The following ATP2B2 variants were observed in gnomAD, a reference collection of about 807,000 sequenced individuals.
ATP2B2 encodes the protein ATPase plasma membrane Ca2+ transporting 2.
Under a neutral mutation model 120.0 loss-of-function variants are expected in ATP2B2, and 15 were observed. The ratio of observed to expected loss-of-function variants is 0.12; its 90% CI spans 0.08 to 0.19. The LOEUF is 0.19. Ranked by LOEUF, ATP2B2 falls within the 10% of genes least tolerant of loss-of-function variation. The probability of loss-of-function intolerance (pLI) is 1.00; values close to 1 mark genes in which losing one functional copy is unlikely to be tolerated. For missense variants in ATP2B2, 1,045 were observed against 1,719.8 expected, an observed-to-expected ratio of 0.61 and a Z score of 6.94; for synonymous variants, 694 against 700.3, an observed-to-expected ratio of 0.99 and a Z score of 0.14.
rs185328974 is a variant in ATP2B2 at position 10,540,718 on chromosome 3, G to A, written c.-414-6585C>T. On this transcript the variant is annotated intron_variant, in intron 2 of 21. Transcript: ENST00000646379. ...AGAACATCACACACTGGGGCCTGTC[G>A]TGGGGTGGGGGGAGGGGGGAGGGAT... 3.5e-3 allele frequency among the ~76,000 whole-genome samples: 377 copies of A among 107,038 alleles called. 1 individual carries two copies. Among genetic ancestry groups the A allele is most frequent in the African/African-American group, 0.013 (354 of 27,634 alleles). 70.2% of individuals were successfully genotyped at this position (107,038 alleles called of 152,430 possible).
chr3:10,426,103 C>T (rs533534455), intron 2 of ATP2B2, among the ~76,000 whole-genome samples: 1 of 152,204 alleles, frequency 6.6e-6, no homozygotes, highest in Non-Finnish European at 1.5e-5. Flanking sequence ...CTTTGCTGTG[C>T]TGTTCCCTCT....
intron 3 of ATP2B2, among the ~76,000 whole-genome samples, chr3:10,410,325 T>G (rs970674994): frequency 6.6e-6 from 1 of 152,168 alleles, no homozygotes. Context: ...CTCAGGGGGT[T>G]GTCAGGGCGA....
chr3:10,473,262 G>C (rs2065080511), intron 1 of ATP2B2, among the ~76,000 whole-genome samples: 1 of 152,158 alleles, frequency 6.6e-6, no homozygotes, highest in Non-Finnish European at 1.5e-5. Context: ...GTCATTTAAT[G>C]AGCACCTACT....
intron 2 of ATP2B2, among the ~76,000 whole-genome samples, chr3:10,414,315 T>G (rs1427322932): frequency 6.6e-6 from 1 of 152,154 alleles, no homozygotes; most frequent in Non-Finnish European, 1.5e-5. Flanking sequence ...TCAGGCCATA[T>G]CATGCTGGGG....
intron 14 of ATP2B2, 78 bp downstream of exon 14, chr3:10,358,613 G>T: frequency 1.5e-6 from 2 of 1,378,094 alleles, no homozygotes; most frequent in Non-Finnish European, 2.0e-6. Flanking sequence ...GAGGTGAAGT[G>T]ACTTACTCCA....
intron 2 of ATP2B2, among the ~76,000 whole-genome samples, chr3:10,544,273 T>C (rs1395682763): frequency 6.6e-6 from 1 of 152,150 alleles, no homozygotes; most frequent in African/African-American, 2.4e-5. Context: ...CCAGTGCCAC[T>C]CACCACAAAT....
chr3:10,350,465 G>A lies in ATP2B2; in HGVS notation c.2249C>T (p.Pro750Leu). ...CTCGAGGCACAGAAAGTCCTCCCCA[G>A]GATGGATGATGCCACACTTGATGGC... ...AIAIKCGIIH[P>L]GEDFLCLEGK... Residue 750 changes from proline to leucine, a missense_variant, in exon 15 of 23, where the codon CCT becomes CTT. Pro to Leu is a moderately conservative substitution (Grantham distance 98, BLOSUM62 -3). Coordinates refer to ENST00000360273, the MANE Select transcript of ATP2B2 (RefSeq NM_001001331.4). The A allele has an allele frequency of 6.2e-7, 1 of 1,614,234 alleles. No homozygotes were observed. The highest frequency in any genetic ancestry group is 8.5e-7 in the Non-Finnish European group (1 of 1,180,034).
intron 2 of ATP2B2, among the ~76,000 whole-genome samples, chr3:10,587,783 C>T (rs1406064757): frequency 1.3e-5 from 2 of 152,144 alleles, no homozygotes; most frequent in Non-Finnish European, 2.9e-5. Flanking sequence ...TTGTTTCTCA[C>T]TGTCATGCTC....
At chr3:10,646,688 A>G (rs761107101) in intron 1 of ATP2B2, among the ~76,000 whole-genome samples, 1 of 152,178 alleles carries the variant, frequency 6.6e-6, no homozygotes, top group Non-Finnish European at 1.5e-5. Context: ...AGTGCGTTAC[A>G]TAATGGGAAT....
intron 1 of ATP2B2, among the ~76,000 whole-genome samples, chr3:10,466,810 T>A (rs1235087761): frequency 6.6e-6 from 1 of 152,152 alleles, no homozygotes; most frequent in African/African-American, 2.4e-5. Flanking sequence ...ACCATTTCCA[T>A]TTCACAAGTA....
intron 2 of ATP2B2, among the ~76,000 whole-genome samples, chr3:10,422,694 A>G (rs975102330): frequency 2.6e-5 from 4 of 152,230 alleles, no homozygotes; most frequent in African/African-American, 9.6e-5. Flanking sequence ...GTGGATTTGA[A>G]TGTGCATAGT....
intron 1 of ATP2B2, among the ~76,000 whole-genome samples, chr3:10,688,960 C>G (rs547246725): frequency 2.4e-4 from 37 of 152,320 alleles, no homozygotes; most frequent in Admixed American, 6.5e-4. Context: ...AATGTCCACC[C>G]TGTCATTACC....
At chr3:10,594,422 A>G (rs1437646396) in intron 2 of ATP2B2, among the ~76,000 whole-genome samples, 2 of 152,272 alleles carry the variant, frequency 1.3e-5, no homozygotes, top group East Asian at 3.9e-4. Context: ...TTGTAGGGAC[A>G]TGGATGAAGC....
At position 10,408,327 on chromosome 3, in the gene ATP2B2, G is replaced by A. The variant is rs551498809; in HGVS notation, c.397+2291C>T. Among the ~76,000 whole-genome samples the A allele has an allele frequency of 7.2e-5, 11 of 152,240 alleles. No individual in the cohort carries two copies. In the East Asian group the frequency reaches 2.1e-3, roughly 29 times the overall value. Reference sequence around the variant, plus strand: ...CCTGGTGAAACTGATGTCTGTCTCAGGGTTTTTTGTTTGTTTGTTTGTTTG... The same window carrying A: ...CCTGGTGAAACTGATGTCTGTCTCAAGGTTTTTTGTTTGTTTGTTTGTTTG... On this transcript the variant is annotated intron_variant, in intron 3 of 22. Transcript: ENST00000360273.
chr3:10,430,165 A>G (rs2063271978), intron 2 of ATP2B2, among the ~76,000 whole-genome samples: 2 of 152,364 alleles, frequency 1.3e-5, no homozygotes, highest in East Asian at 1.9e-4. Flanking sequence ...GTGCAAGGAG[A>G]TAAGTGCTGT....
chr3:10,340,484 C>T lies in ATP2B2; in HGVS notation c.3129+9G>A, dbSNP rs1348411265. ...ACCCCGGGCCTGGTTAGGGTGGGGG[C>T]CTCACTACCTGGATGGCAAAGGTGC... On this transcript the variant is annotated intron_variant, in intron 20 of 22. Coordinates refer to ENST00000360273, the MANE Select transcript of ATP2B2 (RefSeq NM_001001331.4). This position sits in a 1 kb window ranked among gnomAD's most constrained non-coding sequence, Gnocchi z 5.0. The T allele has an allele frequency of 1.2e-6, 2 of 1,614,192 alleles. No homozygotes were observed. Among genetic ancestry groups the T allele is most frequent in the South Asian group, 2.2e-5 (2 of 91,088 alleles).
intron 3 of ATP2B2, among the ~76,000 whole-genome samples, chr3:10,510,767 C>T (rs1339972729): frequency 6.6e-6 from 1 of 152,216 alleles, no homozygotes; most frequent in Non-Finnish European, 1.5e-5. Flanking sequence ...CTCTCTGGGG[C>T]AGACTGCCTT....
intron 1 of ATP2B2, among the ~76,000 whole-genome samples, chr3:10,487,517 G>T (rs755934622): frequency 2.6e-5 from 4 of 152,214 alleles, no homozygotes; most frequent in African/African-American, 4.8e-5. Context: ...GAAGCCAGTG[G>T]GCCACAAAGG....
At chr3:10,488,536 T>C (rs1204675154) in intron 1 of ATP2B2, among the ~76,000 whole-genome samples, 1 of 151,220 alleles carries the variant, frequency 6.6e-6, no homozygotes, top group Non-Finnish European at 1.5e-5. Context: ...CCTTCTTTCC[T>C]TCCTTCCTTC....
Sources: gnomAD v4.1 joint callset for allele counts (sites outside exome capture counted in the v4.1 genomes callset) on GRCh38, gnomAD v4.1.1 for gene constraint, Gnocchi (gnomAD v3.1) non-coding constraint, MANE v1.5 for transcripts, NCBI Gene and HGNC (gene_info 2026-07-23, HGNC 2026-07-21) for gene names.